The following MGAM variants were observed in gnomAD, a reference collection of about 807,000 sequenced individuals.
MGAM encodes alpha-1,4-glucosidase.
Under a neutral mutation model 358.8 loss-of-function variants are expected in MGAM, and 253 were observed. That is an observed-to-expected ratio of 0.71 (90% confidence interval 0.64 to 0.78). The LOEUF is 0.78. Ranked by LOEUF, MGAM falls within the 30% of genes least tolerant of loss-of-function variation. The pLI, the probability that MGAM is intolerant of heterozygous loss-of-function variation, is 0.00. For missense variants in MGAM, 3,080 were observed against 3,432.6 expected (o/e 0.90, Z 2.57); for synonymous variants, 1,105 against 1,227.1 (o/e 0.90, Z 2.08).
chr7:142,024,825 T>A (rs1806802394), intron 7 of MGAM, among the ~76,000 whole-genome samples: 1 of 152,200 alleles, frequency 6.6e-6, no homozygotes, highest in Non-Finnish European at 1.5e-5. Context: ...GCCTTCACAT[T>A]CCTTCTAGAT....
intron 21 of MGAM, among the ~76,000 whole-genome samples, chr7:142,045,196 T>C (rs1391266538): frequency 3.2e-5 from 2 of 63,372 alleles, no homozygotes; most frequent in Non-Finnish European, 6.0e-5. Context: ...TGATATATAA[T>C]ATATATTATA....
intron 50 of MGAM, among the ~76,000 whole-genome samples, chr7:142,081,494 G>T (rs1315443014): frequency 6.9e-6 from 1 of 145,454 alleles, no homozygotes; most frequent in South Asian, 2.2e-4. Context: ...GGTAGGCCAG[G>T]AGATGAAGCG....
chr7:142,060,542 A>G (rs1812064153), intron 34 of MGAM, among the ~76,000 whole-genome samples, 169 bp downstream of exon 34: 1 of 152,238 alleles, frequency 6.6e-6, no homozygotes, highest in Non-Finnish European at 1.5e-5. Context: ...ATAGGTAGTC[A>G]TACTTTACTG....
intron 19 of MGAM, 76 bp from the exon 20 acceptor site, chr7:142,040,039 A>G: frequency 8.9e-7 from 1 of 1,129,454 alleles, no homozygotes; most frequent in East Asian, 2.5e-5. Context: ...TCTGTGTATG[A>G]TTAAGAAATT....
rs1180473549 is a variant in MGAM at position 142,040,516 on chromosome 7, C to T, written c.2374-206C>T. On this transcript the variant is annotated intron_variant, in intron 20 of 70. Coordinates refer to ENST00000475668, the MANE Select transcript of MGAM (RefSeq NM_001365693.1). ...TATATAATATATCAAATAGCCTCAG[C>T]ATGGCATAAATTTTTTCACAAACCC... The T allele has an allele frequency of 1.3e-5, 8 of 633,704 alleles. No homozygotes were observed. The South Asian group carries it at 1.5e-4, about 12-fold the overall frequency. The allele number at this position is 633,704 out of a possible 1,614,324, so 39.3% of individuals were successfully genotyped here.
chr7:142,070,845 C>A, intron 43 of MGAM, 149 bp from the exon 44 acceptor site: 2 of 1,103,266 alleles, frequency 1.8e-6, no homozygotes, highest in South Asian at 1.5e-5. Context: ...CAGCACTGTG[C>A]GAATGCAGAA....
intron 6 of MGAM, among the ~76,000 whole-genome samples, chr7:142,022,054 G>A (rs1428722390): frequency 6.6e-6 from 1 of 152,034 alleles, no homozygotes; most frequent in African/African-American, 2.4e-5. Context: ...AGGCTGTCTG[G>A]TCTGGGAGAC....
chr7:142,000,615 A>G (rs1364974180), intron 1 of MGAM, among the ~76,000 whole-genome samples: 1 of 152,208 alleles, frequency 6.6e-6, no homozygotes, highest in Non-Finnish European at 1.5e-5. Context: ...GATTTTAAAT[A>G]ACATTGAATT....
intron 4 of MGAM, among the ~76,000 whole-genome samples, chr7:142,020,605 T>A (rs3793159): frequency 0.04 from 4,212 of 106,578 alleles, 49 homozygotes; most frequent in South Asian, 0.064. Flanking sequence ...ATATATATAT[T>A]TTTTTTTTTT....
intron 3 of MGAM, 38 bp downstream of exon 3, chr7:142,008,743 T>A: frequency 6.3e-7 from 1 of 1,591,190 alleles, no homozygotes; most frequent in Non-Finnish European, 8.6e-7. Flanking sequence ...TTAGAATTTA[T>A]GCAACTTGAT....
chr7:142,001,005 A>G (rs2128977922), intron 1 of MGAM, among the ~76,000 whole-genome samples: 1 of 152,348 alleles, frequency 6.6e-6, no homozygotes, highest in African/African-American at 2.4e-5. Flanking sequence ...TTGGATAGAC[A>G]TTCTAACTCC....
Position 142,043,816 on chromosome 7 carries a change from C to T in MGAM, c.2498+2970C>T, listed in dbSNP as rs189462892. 5.8e-3 allele frequency among the ~76,000 whole-genome samples: 473 copies of T among 81,272 alleles called. 1 individual carries two copies. Among genetic ancestry groups the T allele is most frequent in the African/African-American group, 0.015 (455 of 30,694 alleles). 53.3% of individuals were successfully genotyped at this position (81,272 alleles called of 152,430 possible). On this transcript the variant is annotated intron_variant, in intron 21 of 70. Coordinates refer to ENST00000475668, the MANE Select transcript of MGAM (RefSeq NM_001365693.1). ...ATAATATATACATTATATACACATA[C>T]GACGTATAATATATACATTATATAC... is the stretch of plus-strand genomic sequence containing the variant.
chr7:142,021,164 G>A (rs1806423001), intron 5 of MGAM, 81 bp downstream of exon 5: 1 of 1,012,396 alleles, frequency 9.9e-7, no homozygotes, highest in Non-Finnish European at 1.4e-6. Context: ...CTACAAAATA[G>A]AAAATTTTGC....
chr7:142,059,750 G>C lies in MGAM; in HGVS notation c.3949-106G>C, dbSNP rs1811920758. On this transcript the variant is annotated intron_variant, in intron 32 of 70. Coordinates refer to ENST00000475668, the MANE Select transcript of MGAM (RefSeq NM_001365693.1). ...TCCCAGGACTCACAGAAACTCTACT[G>C]TGCAGGTAGAAGCCAGCGAGTTCAC... 8 of 1,569,842 alleles carry C rather than the reference G, an allele frequency of 5.1e-6. No homozygotes were observed. In the South Asian group the frequency reaches 9.3e-5, roughly 18 times the overall value.
In MGAM at chr7:142,051,427, A is replaced by G. The variant is rs144630104; in HGVS notation, c.2805+563A>G. On this transcript the variant is annotated intron_variant, in intron 24 of 70. Coordinates refer to ENST00000475668, the MANE Select transcript of MGAM (RefSeq NM_001365693.1). ...AGATGGTTTAGATTGGGAGGAGACTAGGAGAAGGATGATAATCTTTAGAAT... is the reference window on the plus strand; with the variant it reads ...AGATGGTTTAGATTGGGAGGAGACTGGGAGAAGGATGATAATCTTTAGAAT... Among the ~76,000 whole-genome samples the G allele has an allele frequency of 8.5e-3, 1,291 of 152,240 alleles. 25 individuals carry two copies. Among genetic ancestry groups the G allele is most frequent in the East Asian group, 0.042 (215 of 5,172 alleles).
In MGAM at chr7:142,032,969, A is replaced by T. The variant is rs1807648980; in HGVS notation, c.1669+60A>T. 3 of 1,211,146 alleles carry T rather than the reference A, an allele frequency of 2.5e-6. No homozygotes were observed. The Admixed American group carries it at 6.5e-5, about 26-fold the overall frequency. The allele number at this position is 1,211,146 out of a possible 1,614,324, so 75.0% of individuals were successfully genotyped here. A position where few individuals can be genotyped will look rare whatever the true frequency, so the allele number is the denominator to read the frequency against. ...TATGTATTTCATATTATAAATTCAT[A>T]AGGACAGATCTGAAAAATCTGGCAA... is the stretch of plus-strand genomic sequence containing the variant. On this transcript the variant is annotated intron_variant, in intron 14 of 70. Transcript: ENST00000475668.
At chr7:142,068,761 T>C in intron 43 of MGAM, 58 bp downstream of exon 43, 1 of 1,300,108 alleles carries the variant, frequency 7.7e-7, no homozygotes, top group Non-Finnish European at 1.1e-6. Context: ...ACAAAGGCTT[T>C]AGGTCCGATA....
chr7:142,051,784 C>T (rs915144359), intron 24 of MGAM, among the ~76,000 whole-genome samples: 1 of 151,994 alleles, frequency 6.6e-6, no homozygotes, highest in Non-Finnish European at 1.5e-5. Context: ...CATAAATATG[C>T]ATACCTACTA....
intron 3 of MGAM, among the ~76,000 whole-genome samples, chr7:142,010,776 C>G (rs1014362894): frequency 6.6e-6 from 1 of 152,160 alleles, no homozygotes; most frequent in Non-Finnish European, 1.5e-5. Context: ...GACCCTACCT[C>G]TGTGCCTCTA....
Sources: allele counts gnomAD v4.1 joint callset (sites outside exome capture counted in the v4.1 genomes callset), GRCh38; gene constraint gnomAD v4.1.1; transcripts MANE v1.5; gene names NCBI Gene and HGNC (gene_info 2026-07-23, HGNC 2026-07-21).